The following POLQ variants were observed in gnomAD, a reference collection of about 807,000 sequenced individuals.
POLQ encodes epididymis secretory sperm binding protein.
Under a neutral mutation model 259.2 loss-of-function variants are expected in POLQ, and 233 were observed. That is an observed-to-expected ratio of 0.90 (90% CI 0.81 to 1.00). The LOEUF (loss-of-function observed/expected upper bound fraction) is 1.00. Ranked by LOEUF, POLQ falls within the 50% of genes least tolerant of loss-of-function variation. The probability of loss-of-function intolerance (pLI) is 0.00; values close to 1 mark genes in which losing one functional copy is unlikely to be tolerated. For synonymous variants in POLQ, 1,025 were observed against 1,048.8 expected (o/e 0.98, Z 0.44); for missense variants, 2,871 against 3,051.6 (o/e 0.94, Z 1.39).
In POLQ at chr3:121,489,765, G is replaced by A. The variant is rs1175087034; in HGVS notation, c.3166C>T (p.Pro1056Ser). 6.2e-7 allele frequency: 1 copy of A among 1,612,114 alleles called. No homozygotes were observed. The highest frequency in any genetic ancestry group is 1.3e-5 in the African/African-American group (1 of 74,842). The change falls in exon 16 of 30, where the codon CCC becomes TCC. Residue 1056 changes from proline to serine, a missense_variant. Pro to Ser is a moderately conservative substitution (Grantham distance 74). Transcript: ENST00000264233. ...CTACACGCTCCAGAGTCTTTCAGGGGGCTGCTGTCCCTAGATCGCTTTAGA... is the reference window on the plus strand; with the variant it reads ...CTACACGCTCCAGAGTCTTTCAGGGAGCTGCTGTCCCTAGATCGCTTTAGA... Reference protein sequence around the residue: ...KHLKRSRDSSPLKDSGACRIH... With the variant: ...KHLKRSRDSSSLKDSGACRIH...
At chr3:121,496,381 T>C (rs1284834216) in intron 14 of POLQ, among the ~76,000 whole-genome samples, 2 of 152,076 alleles carry the variant, frequency 1.3e-5, no homozygotes, top group Non-Finnish European at 2.9e-5. Context: ...TTCACCATCT[T>C]GGCCAGGCTG....
At chr3:121,507,506 C>G (rs548739989) in intron 12 of POLQ, among the ~76,000 whole-genome samples, 1 of 152,218 alleles carries the variant, frequency 6.6e-6, no homozygotes, top group Admixed American at 6.5e-5. Flanking sequence ...GAGGGTGGAT[C>G]ACTTGAGGTC....
intron 24 of POLQ, among the ~76,000 whole-genome samples, chr3:121,467,179 G>A (rs1365061811): frequency 4.6e-5 from 7 of 152,160 alleles, no homozygotes; most frequent in African/African-American, 1.7e-4. Flanking sequence ...TGAAGAAGGA[G>A]TTGATTAACA....
intron 12 of POLQ, among the ~76,000 whole-genome samples, chr3:121,504,536 C>T (rs190057618): frequency 8.9e-4 from 136 of 152,248 alleles, no homozygotes; most frequent in African/African-American, 3.0e-3. Context: ...TATCCTAAAT[C>T]ATACTGTGCA....
In POLQ at chr3:121,541,478, A is replaced by G. The variant is rs141638362; in HGVS notation, c.345T>C (p.Ala115=). 5,336 of 1,588,306 alleles carry G rather than the reference A, an allele frequency of 3.4e-3. 11 individuals are homozygous for G. Among genetic ancestry groups the G allele is most frequent in the Non-Finnish European group, 4.0e-3 (4,663 of 1,171,870 alleles). Residue 115 remains alanine, a splice_region_variant and synonymous_variant, in exon 3 of 30, where the codon GCT becomes GCC. Transcript: ENST00000264233. ...VLEGKNLVYS[A]PTSAGKTLVA... is the part of the protein sequence containing the mutation. ...CAAGAGTCTTCCCAGCACTTGTAGG[A>G]GCTAAAACATGATTATTCCACAAGA...
intron 15 of POLQ, among the ~76,000 whole-genome samples, chr3:121,491,011 A>T (rs2048064203): frequency 1.3e-5 from 2 of 152,010 alleles, no homozygotes; most frequent in South Asian, 4.2e-4. Context: ...AGATCACACC[A>T]CTGCACTCCA....
chr3:121,489,481 G>T lies in POLQ; in HGVS notation c.3450C>A (p.Ala1150=), dbSNP rs763437822. 6.2e-7 allele frequency: 1 copy of T among 1,613,738 alleles called. No homozygotes were observed. Among genetic ancestry groups the T allele is most frequent in the East Asian group, 2.2e-5 (1 of 44,872 alleles). ...TGCCCTTTTCACTAACCACACTAGT[G>T]GCCTGACAAGTCACATTTTTACTCT... ...GSQSKNVTCQ[A]TSVVSEKGRG... The change falls in exon 16 of 30, where the codon GCC becomes GCA. Residue 1150 remains alanine (A), a synonymous_variant. Transcript: ENST00000264233.
At chr3:121,479,733 A>T (rs1236652343) in intron 19 of POLQ, among the ~76,000 whole-genome samples, 14 of 152,142 alleles carry the variant, frequency 9.2e-5, no homozygotes, top group Admixed American at 9.2e-4. Context: ...GATTACAGGC[A>T]TGAGCCACTG....
intron 15 of POLQ, among the ~76,000 whole-genome samples, chr3:121,493,250 C>T (rs7622897): frequency 0.63 from 95,553 of 151,108 alleles, 30,568 homozygotes; most frequent in East Asian, 0.89. Flanking sequence ...CGCAGTGAGC[C>T]GAGATCGCAC....
intron 26 of POLQ, among the ~76,000 whole-genome samples, chr3:121,443,730 G>A (rs1273701732): frequency 6.6e-6 from 1 of 151,968 alleles, no homozygotes; most frequent in Non-Finnish European, 1.5e-5. Flanking sequence ...CACAATTTGA[G>A]GTCTTAAAGT....
chr3:121,502,581 G>A (rs775407764), intron 12 of POLQ, among the ~76,000 whole-genome samples: 19 of 152,098 alleles, frequency 1.2e-4, no homozygotes, highest in Non-Finnish European at 2.6e-4. Flanking sequence ...CCCACAGGAG[G>A]CAGGTGGAAG....
intron 7 of POLQ, 114 bp from the exon 8 acceptor site, chr3:121,522,263 A>G: frequency 2.5e-6 from 1 of 401,698 alleles, no homozygotes. Flanking sequence ...ACTGCTGCAT[A>G]CTATATAATC....
chr3:121,533,297 T>C, intron 5 of POLQ, 88 bp from the exon 6 acceptor site: 1 of 799,950 alleles, frequency 1.3e-6, no homozygotes, highest in Admixed American at 3.0e-5. Context: ...TTATGCCCTT[T>C]GGTACACACA....
chr3:121,533,254 A>G (rs1480438283), intron 5 of POLQ, 45 bp from the exon 6 acceptor site: 5 of 1,227,056 alleles, frequency 4.1e-6, no homozygotes, highest in Non-Finnish European at 5.6e-6. Flanking sequence ...TATATAATAC[A>G]TTAATAATTA....
At chr3:121,457,762 T>C (rs915945886) in intron 25 of POLQ, among the ~76,000 whole-genome samples, 1 of 152,048 alleles carries the variant, frequency 6.6e-6, no homozygotes. Context: ...TGTGGAGAAA[T>C]AGGAACACTT....
At chr3:121,517,243 ACT>A (rs945959809) in intron 9 of POLQ, among the ~76,000 whole-genome samples, 1 of 152,002 alleles carries the variant, frequency 6.6e-6, no homozygotes, top group Admixed American at 6.6e-5. Flanking sequence ...GAAGAATCTC[ACT>A]CTCTTCCCTC....
At chr3:121,446,124 G>A (rs1160005177) in intron 26 of POLQ, among the ~76,000 whole-genome samples, 1 of 151,532 alleles carries the variant, frequency 6.6e-6, no homozygotes, top group Non-Finnish European at 1.5e-5. Context: ...TCCCATAGGT[G>A]TTGGTGTGTT....
In POLQ at chr3:121,494,295, T is replaced by C. The variant is rs2048096285; in HGVS notation, c.2279-574A>G. The C allele has an allele frequency of 3.1e-6, 5 of 1,596,552 alleles. No individual in the cohort carries two copies. The East Asian group carries it at 1.1e-4, about 36-fold the overall frequency. The stretch of plus-strand genomic sequence containing the variant: ...GTGAAACGGCCCCGCTATATCAGGT[T>C]GCAGCGGCAGAGAGCCATCCTCTAT... On this transcript the variant is annotated intron_variant, in intron 14 of 29. Coordinates refer to ENST00000264233, the MANE Select transcript of POLQ (RefSeq NM_199420.4).
chr3:121,460,930 CAA>C (rs1033913470), intron 24 of POLQ, among the ~76,000 whole-genome samples: 1 of 152,136 alleles, frequency 6.6e-6, no homozygotes, highest in African/African-American at 2.4e-5. Context: ...ACTGATCTCA[CAA>C]AAGACTCATT....
Sources: allele counts gnomAD v4.1 joint callset (sites outside exome capture counted in the v4.1 genomes callset), GRCh38; gene constraint gnomAD v4.1.1; transcripts MANE v1.5; gene names NCBI Gene and HGNC (gene_info 2026-07-23, HGNC 2026-07-21).